The following NTNG1 variants were observed in gnomAD, a reference collection of about 807,000 sequenced individuals.
NTNG1 encodes netrin-G1.
A neutral mutation model predicts 54.0 loss-of-function variants in NTNG1; 16 were observed. The observed-to-expected ratio is 0.30, with a 90% CI of 0.20 to 0.45. The LOEUF (loss-of-function observed/expected upper bound fraction) is 0.45, where lower values mean the gene tolerates loss of function less well. Among genes scored for constraint, NTNG1 ranks in the 20% least tolerant of loss-of-function variants. NTNG1 has a pLI of 1.00. For synonymous variants in NTNG1, 255 were observed against 263.1 expected, an observed-to-expected ratio of 0.97 and a Z score of 0.30; for missense variants, 530 against 678.7, an observed-to-expected ratio of 0.78 and a Z score of 2.43.
At chr1:107,366,383 T>C (rs1472562444) in intron 3 of NTNG1, among the ~76,000 whole-genome samples, 2 of 152,158 alleles carry the variant, frequency 1.3e-5, no homozygotes, top group Non-Finnish European at 2.9e-5. Flanking sequence ...AAGGGCACTT[T>C]TAATTAAATA....
chr1:107,400,864 G>T (rs1281606425), intron 4 of NTNG1, among the ~76,000 whole-genome samples: 1 of 152,132 alleles, frequency 6.6e-6, no homozygotes, highest in Non-Finnish European at 1.5e-5. Flanking sequence ...TGGTCAGGCT[G>T]CTCTCGAACT....
intron 3 of NTNG1, among the ~76,000 whole-genome samples, chr1:107,354,329 C>T (rs1400280522): frequency 2.0e-5 from 3 of 151,598 alleles, no homozygotes; most frequent in Admixed American, 6.6e-5. Context: ...ATTAGCCGAG[C>T]GTGGTGGCAG....
At chr1:107,336,794 A>T (rs1425388936) in intron 3 of NTNG1, among the ~76,000 whole-genome samples, 5 of 152,008 alleles carry the variant, frequency 3.3e-5, no homozygotes, top group African/African-American at 7.2e-5. Context: ...AATCCTAATT[A>T]AAAAATGAGC....
chr1:107,141,669 C>T (rs1212331349), intron 1 of NTNG1, among the ~76,000 whole-genome samples: 1 of 152,112 alleles, frequency 6.6e-6, no homozygotes, highest in African/African-American at 2.4e-5. Flanking sequence ...GGCACACGCT[C>T]ACACCCACAC....
intron 2 of NTNG1, among the ~76,000 whole-genome samples, chr1:107,260,295 C>A (rs987926814): frequency 2.6e-5 from 4 of 152,252 alleles, no homozygotes; most frequent in African/African-American, 9.6e-5. Context: ...GAGGCTTTGG[C>A]GAATGGAGAA....
intron 2 of NTNG1, among the ~76,000 whole-genome samples, chr1:107,312,528 A>G (rs6678045): frequency 0.5 from 75,394 of 152,024 alleles, 21,337 homozygotes; most frequent in Non-Finnish European, 0.62. Flanking sequence ...GCTAAGTGGT[A>G]GAGCTGGAAT....
intron 2 of NTNG1, among the ~76,000 whole-genome samples, chr1:107,204,897 A>G (rs1659061395): frequency 1.3e-5 from 2 of 152,112 alleles, no homozygotes; most frequent in Non-Finnish European, 1.5e-5. Context: ...TAGAGCTCCT[A>G]TTGAGAGCAG....
intron 7 of NTNG1, among the ~76,000 whole-genome samples, chr1:107,462,464 A>C (rs966934403): frequency 6.6e-6 from 1 of 152,228 alleles, no homozygotes; most frequent in Admixed American, 6.5e-5. Context: ...TAACCAGTGC[A>C]TGAAAAGCAC....
intron 2 of NTNG1, among the ~76,000 whole-genome samples, chr1:107,268,715 G>A (rs1407875992): frequency 1.3e-5 from 2 of 152,036 alleles, no homozygotes; most frequent in African/African-American, 2.4e-5. Flanking sequence ...GCATTTCATG[G>A]TGAACTTATC....
At chr1:107,404,081 T>TTA (rs5776886) in intron 4 of NTNG1, among the ~76,000 whole-genome samples, 186 of 145,392 alleles carry the variant, frequency 1.3e-3, no homozygotes, top group East Asian at 5.2e-3. Context: ...CCTTCTTAAT[T>TTA]TATATATATA....
intron 5 of NTNG1, chr1:107,418,606 C>T (rs886803428): frequency 1.2e-6 from 2 of 1,603,130 alleles, no homozygotes; most frequent in Admixed American, 3.4e-5. Context: ...TAGGATATGG[C>T]CGAATATTTC....
intron 4 of NTNG1, 126 bp downstream of exon 4, chr1:107,395,452 A>G: frequency 2.2e-6 from 2 of 898,564 alleles, no homozygotes; most frequent in Non-Finnish European, 3.7e-6. Context: ...AAGTGCAGCG[A>G]AAGTTTCAGT....
chr1:107,198,021 G>GT (rs751375224), intron 2 of NTNG1, among the ~76,000 whole-genome samples: 9 of 152,024 alleles, frequency 5.9e-5, no homozygotes, highest in Non-Finnish European at 1.2e-4. Context: ...GTAGATTCTA[G>GT]TGTAACTTTC....
intron 2 of NTNG1, among the ~76,000 whole-genome samples, chr1:107,180,169 T>A (rs977979458): frequency 4.6e-5 from 7 of 152,124 alleles, no homozygotes; most frequent in Non-Finnish European, 7.4e-5. Context: ...CATTAGGAAA[T>A]AAAAATGTAT....
intron 2 of NTNG1, among the ~76,000 whole-genome samples, chr1:107,267,370 A>C (rs973850630): frequency 6.6e-6 from 1 of 152,192 alleles, no homozygotes; most frequent in Non-Finnish European, 1.5e-5. Context: ...TGAGTGCAGG[A>C]GATGAATTTG....
At chr1:107,224,326 T>G (rs1179226939) in intron 2 of NTNG1, among the ~76,000 whole-genome samples, 1 of 152,202 alleles carries the variant, frequency 6.6e-6, no homozygotes, top group Non-Finnish European at 1.5e-5. Flanking sequence ...AAAGTTTTCT[T>G]TCCTTGAAAT....
intron 3 of NTNG1, among the ~76,000 whole-genome samples, chr1:107,378,676 G>A (rs1317760067): frequency 6.6e-6 from 1 of 152,182 alleles, no homozygotes; most frequent in Non-Finnish European, 1.5e-5. Flanking sequence ...CAAGGTACAG[G>A]TTCACAGGTC....
intron 2 of NTNG1, among the ~76,000 whole-genome samples, chr1:107,309,319 T>C (rs1272029409): frequency 6.6e-6 from 1 of 152,162 alleles, no homozygotes; most frequent in Non-Finnish European, 1.5e-5. Context: ...GCAATATCTC[T>C]GTAAATAAAG....
intron 2 of NTNG1, among the ~76,000 whole-genome samples, chr1:107,214,902 A>G (rs1659850458): frequency 6.6e-6 from 1 of 150,560 alleles, no homozygotes; most frequent in Non-Finnish European, 1.5e-5. Context: ...GCATTGTTTC[A>G]TATTTTTTTT....
Sources: gnomAD v4.1 joint callset for allele counts (sites outside exome capture counted in the v4.1 genomes callset) on GRCh38, gnomAD v4.1.1 for gene constraint, MANE v1.5 for transcripts, NCBI Gene and HGNC (gene_info 2026-07-23, HGNC 2026-07-21) for gene names.